RBM38: variants seen among roughly 807,000 people sequenced by gnomAD.
The protein encoded by RBM38 is RNA binding motif protein 38.
Under a neutral mutation model 23.5 loss-of-function variants are expected in RBM38, and 11 were observed. That is an observed-to-expected ratio of 0.47 (90% CI 0.29 to 0.77). The LOEUF is 0.77. Among genes scored for constraint, RBM38 ranks in the 30% least tolerant of loss-of-function variants. The pLI is 0.08. For missense variants in RBM38, 330 were observed against 351.9 expected (o/e 0.94, Z 0.50); for synonymous variants, 165 against 166.1 (o/e 0.99, Z 0.05).
chr20:57,399,432 A>G (rs1256057709), intron 3 of RBM38, among the ~76,000 whole-genome samples: 1 of 152,148 alleles, frequency 6.6e-6, no homozygotes, highest in Non-Finnish European at 1.5e-5. Flanking sequence ...CCCTGGTGAG[A>G]TACAGTGAGA....
Position 57,407,720 on chromosome 20 carries a change from G to A in RBM38, c.594G>A (p.Thr198=), listed in dbSNP as rs751373448. Residue 198 remains threonine, a synonymous_variant, in exon 4 of 4, where the codon ACG becomes ACA. Transcript: ENST00000356208. The surrounding 1 kb of genome is among the most constrained non-coding windows in gnomAD (Gnocchi z 4.0). ...ACCCATACGCCGCCTCGCCTGCCAC[G>A]GCTGCCAGCTTCGTGGGCTACAGCT... ...DQYPYAASPA[T]AASFVGYSYP... 27 of 1,612,018 alleles carry A rather than the reference G, an allele frequency of 1.7e-5. No individual in the cohort carries two copies. The highest frequency in any genetic ancestry group is 6.7e-5 in the East Asian group (3 of 44,870).
chr20:57,395,212 C>CA (rs2067261898), intron 3 of RBM38, among the ~76,000 whole-genome samples: 1 of 152,172 alleles, frequency 6.6e-6, no homozygotes, highest in Non-Finnish European at 1.5e-5. Context: ...AAAGGCTAAC[C>CA]ACCTGTCTGG....
At chr20:57,395,967 C>T (rs1415051558) in intron 3 of RBM38, among the ~76,000 whole-genome samples, 2 of 152,202 alleles carry the variant, frequency 1.3e-5, no homozygotes, top group Non-Finnish European at 2.9e-5. Flanking sequence ...CCAGTTAACC[C>T]CTTCCGTGCC....
At chr20:57,401,485 C>T (rs1421514548) in intron 3 of RBM38, among the ~76,000 whole-genome samples, 2 of 152,208 alleles carry the variant, frequency 1.3e-5, no homozygotes, top group African/African-American at 4.8e-5. Context: ...GAGGCCATTC[C>T]ACGGGGGGGC....
intron 3 of RBM38, among the ~76,000 whole-genome samples, chr20:57,404,138 G>A (rs2067357242): frequency 6.6e-6 from 1 of 152,222 alleles, no homozygotes; most frequent in Admixed American, 6.5e-5. Context: ...ATGATGTGGG[G>A]CATCAGAACC....
At chr20:57,398,608 A>G (rs1300016858) in intron 3 of RBM38, among the ~76,000 whole-genome samples, 1 of 152,260 alleles carries the variant, frequency 6.6e-6, no homozygotes, top group Non-Finnish European at 1.5e-5. Context: ...CGTGGGCTGC[A>G]CCGTGGCCCT....
Position 57,392,692 on chromosome 20 carries a change from C to T in RBM38, c.276C>T (p.Cys92=), listed in dbSNP as rs951976779. 6.2e-7 allele frequency: 1 copy of T among 1,612,834 alleles called. No individual in the cohort carries two copies. Among genetic ancestry groups the T allele is most frequent in the Non-Finnish European group, 8.5e-7 (1 of 1,179,846 alleles). Reference sequence around the variant, plus strand: ...ACCGGGCGGCAGCTGAGAGGGCTTGCAAAGACCCGAACCCCATCATCGACG... The same window carrying T: ...ACCGGGCGGCAGCTGAGAGGGCTTGTAAAGACCCGAACCCCATCATCGACG... ...MADRAAAERA[C]KDPNPIIDGR... The change falls in exon 2 of 4, where the codon TGC becomes TGT. Residue 92 remains cysteine, a synonymous_variant. Coordinates refer to ENST00000356208, the MANE Select transcript of RBM38 (RefSeq NM_017495.6).
rs911783353 is a variant in RBM38 at position 57,392,096 on chromosome 20, G to A, written c.237+278G>A. 2.1e-5 allele frequency: 4 copies of A among 188,884 alleles called. No homozygotes were observed. The South Asian group carries it at 3.0e-4, about 14-fold the overall frequency. The allele number at this position is 188,884 out of a possible 1,614,324, so 11.7% of individuals were successfully genotyped here. The stretch of plus-strand genomic sequence containing the variant: ...GTTCAATTAGGACTCCTAAGTTGGT[G>A]GGGAGGTTTTGGAGCCAGAGGGCAC... On this transcript the variant is annotated intron_variant, in intron 1 of 3. Coordinates refer to ENST00000356208, the MANE Select transcript of RBM38 (RefSeq NM_017495.6).
Position 57,407,464 on chromosome 20 carries a change from G to C in RBM38, c.417-79G>C. The C allele has an allele frequency of 2.7e-6, 4 of 1,459,978 alleles. No individual in the cohort carries two copies. The highest frequency in any genetic ancestry group is 3.7e-6 in the Non-Finnish European group (4 of 1,070,364). The allele number at this position is 1,459,978 out of a possible 1,614,324, so 90.4% of individuals were successfully genotyped here. ...CGGGGCTCGGGGTGGGGGGCGGCAC[G>C]CATCGTGTACCCCACTGTTCTCCCA... On this transcript the variant is annotated intron_variant, in intron 3 of 3. Coordinates refer to ENST00000356208, the MANE Select transcript of RBM38 (RefSeq NM_017495.6). This position sits in a 1 kb window ranked among gnomAD's most constrained non-coding sequence, Gnocchi z 4.0.
intron 3 of RBM38, among the ~76,000 whole-genome samples, chr20:57,395,252 G>A (rs1025450938): frequency 6.6e-6 from 1 of 152,034 alleles, no homozygotes; most frequent in Admixed American, 6.5e-5. Flanking sequence ...GGCCAGGGTG[G>A]GGAGGCGTGA....
chr20:57,400,467 ATGG>A (rs1235108164), intron 3 of RBM38, among the ~76,000 whole-genome samples: 2 of 152,032 alleles, frequency 1.3e-5, no homozygotes, highest in Admixed American at 6.5e-5. Flanking sequence ...TCCAGCCCTA[ATGG>A]TGGCCCGTTT....
At chr20:57,398,122 C>A (rs2067292917) in intron 3 of RBM38, among the ~76,000 whole-genome samples, 1 of 152,078 alleles carries the variant, frequency 6.6e-6, no homozygotes, top group African/African-American at 2.4e-5. Flanking sequence ...TCTGATGTGC[C>A]CTTGGGGGAT....
At chr20:57,397,441 A>G (rs117577909) in intron 3 of RBM38, among the ~76,000 whole-genome samples, 1,637 of 152,300 alleles carry the variant, frequency 0.011, 16 homozygotes, top group Non-Finnish European at 0.016. Context: ...CTCGAGACTG[A>G]TGATGACCGT....
intron 3 of RBM38, among the ~76,000 whole-genome samples, chr20:57,401,403 C>T (rs1023280930): frequency 1.3e-5 from 2 of 152,150 alleles, no homozygotes; most frequent in Non-Finnish European, 2.9e-5. Flanking sequence ...TCCAGCCTGC[C>T]CAGCCCTGGC....
intron 3 of RBM38, among the ~76,000 whole-genome samples, chr20:57,401,692 C>T (rs2067330031): frequency 6.6e-6 from 1 of 152,136 alleles, no homozygotes; most frequent in Non-Finnish European, 1.5e-5. Flanking sequence ...GAGGGGTGAG[C>T]TTTGAGCTGT....
chr20:57,401,452 A>G (rs1444885174), intron 3 of RBM38, among the ~76,000 whole-genome samples: 1 of 152,172 alleles, frequency 6.6e-6, no homozygotes, highest in Non-Finnish European at 1.5e-5. Flanking sequence ...TTCTTGGGGC[A>G]GGGACTCTTG....
At position 57,407,410 on chromosome 20, in the gene RBM38, T is replaced by G. The variant is rs2067396524; in HGVS notation, c.417-133T>G. 5 of 1,037,724 alleles carry G rather than the reference T, an allele frequency of 4.8e-6. No individual in the cohort carries two copies. In the South Asian group the frequency reaches 7.8e-5, roughly 16 times the overall value. The allele number at this position is 1,037,724 out of a possible 1,614,324, so 64.3% of individuals were successfully genotyped here. A position where few individuals can be genotyped will look rare whatever the true frequency, so the allele number is the denominator to read the frequency against. On this transcript the variant is annotated intron_variant, in intron 3 of 3. Transcript: ENST00000356208. This position sits in a 1 kb window ranked among gnomAD's most constrained non-coding sequence, Gnocchi z 4.0. ...CGGCAGCATCTGGCCAGGTGCTGTT[T>G]CTGTGCCCATCTGACCGATGAGGAA...
In RBM38 at chr20:57,407,120, G is replaced by A. The variant is rs1389292944; in HGVS notation, c.417-423G>A. Among the ~76,000 whole-genome samples, 1 of 152,148 alleles carries A rather than the reference G, an allele frequency of 6.6e-6. No homozygotes were observed. Among genetic ancestry groups the A allele is most frequent in the Non-Finnish European group, 1.5e-5 (1 of 68,022 alleles). On this transcript the variant is annotated intron_variant, in intron 3 of 3. Coordinates refer to ENST00000356208, the MANE Select transcript of RBM38 (RefSeq NM_017495.6). This position sits in a 1 kb window ranked among gnomAD's most constrained non-coding sequence, Gnocchi z 4.0. ...TGTCAGGGAGATGAGCAGGGAAGGG[G>A]GACAGGGCTGGCCTCCCAGACATGC...
At chr20:57,405,680 C>T (rs1361184547) in intron 3 of RBM38, among the ~76,000 whole-genome samples, 1 of 152,220 alleles carries the variant, frequency 6.6e-6, no homozygotes, top group Non-Finnish European at 1.5e-5. Context: ...TGTAGGGCTG[C>T]AGGATCCACT....
Sources: gnomAD v4.1 joint callset for allele counts (sites outside exome capture counted in the v4.1 genomes callset) on GRCh38, gnomAD v4.1.1 for gene constraint, Gnocchi (gnomAD v3.1) non-coding constraint, MANE v1.5 for transcripts, NCBI Gene and HGNC (gene_info 2026-07-23, HGNC 2026-07-21) for gene names.